The following PIGL variants were observed in gnomAD, a reference collection of about 807,000 sequenced individuals.
PIGL encodes the protein N-acetylglucosaminyl-phosphatidylinositol de-N-acetylase.
A neutral mutation model predicts 31.1 loss-of-function variants in PIGL; 22 were observed. The observed-to-expected ratio is 0.71, with a 90% CI of 0.51 to 1.01. The LOEUF (loss-of-function observed/expected upper bound fraction) is 1.01, where lower values mean the gene tolerates loss of function less well. Ranked by LOEUF, PIGL falls within the 50% of genes least tolerant of loss-of-function variation. The pLI is 0.00. For missense variants in PIGL, 302 were observed against 315.9 expected (o/e 0.96, Z 0.33); for synonymous variants, 131 against 117.4 (o/e 1.12, Z -0.75).
chr17:16,325,997 G>C lies in PIGL; in HGVS notation c.*99G>C. On this transcript the variant is annotated 3_prime_UTR_variant, in exon 7 of 7. Coordinates refer to ENST00000225609, the MANE Select transcript of PIGL (RefSeq NM_004278.4). ...ACTGGCTTATTTACCTGAGCTCAAG[G>C]AGATCCCCGCTGGAGCAGCCTCTGC... 1.2e-6 allele frequency: 1 copy of C among 850,188 alleles called. No homozygotes were observed. Among genetic ancestry groups the C allele is most frequent in the East Asian group, 2.5e-5 (1 of 40,682 alleles). 52.7% of individuals were successfully genotyped at this position (850,188 alleles called of 1,614,324 possible).
At chr17:16,254,795 G>A (rs771538328) in intron 2 of PIGL, among the ~76,000 whole-genome samples, 3 of 151,756 alleles carry the variant, frequency 2.0e-5, no homozygotes, top group African/African-American at 7.3e-5. Context: ...TAGTAGAAAC[G>A]GTTTCACTGT....
chr17:16,282,021 T>G (rs2142793792), intron 2 of PIGL: 1 of 518,188 alleles, frequency 1.9e-6, no homozygotes. Flanking sequence ...TAAGAGGGTG[T>G]TGATCAGCAG....
rs1399372881 is a variant in PIGL, at chr17:16,325,339, A to C, written c.661-461A>C. Among the ~76,000 whole-genome samples the C allele has an allele frequency of 2.7e-5, 4 of 148,534 alleles. No homozygotes were observed. In the South Asian group the frequency reaches 6.3e-4, roughly 23 times the overall value. ...CAGCCTGGGCAACAGGCTCAAAAAA[A>C]AAAAAAAAAAAAAAAAAGAATGTGG... On this transcript the variant is annotated intron_variant, in intron 6 of 6. Coordinates refer to ENST00000225609, the MANE Select transcript of PIGL (RefSeq NM_004278.4).
At chr17:16,308,792 C>CTTTTTTT (rs71150288) in intron 3 of PIGL, among the ~76,000 whole-genome samples, 2 of 114,444 alleles carry the variant, frequency 1.7e-5, no homozygotes, top group African/African-American at 3.4e-5. Flanking sequence ...TGCATCCAGG[C>CTTTTTTT]TTTTTTTTTT....
intron 3 of PIGL, among the ~76,000 whole-genome samples, chr17:16,307,610 T>C (rs949057497): frequency 2.6e-5 from 4 of 152,198 alleles, no homozygotes; most frequent in Non-Finnish European, 5.9e-5. Context: ...CCCCAGTGCC[T>C]GGTACAGAGT....
intron 6 of PIGL, among the ~76,000 whole-genome samples, chr17:16,318,802 G>T (rs1042377645): frequency 1.3e-5 from 2 of 150,932 alleles, no homozygotes; most frequent in Admixed American, 6.6e-5. Flanking sequence ...GTGGTGGCAT[G>T]CACCTGTAGT....
chr17:16,249,351 C>T (rs937648191), intron 2 of PIGL, among the ~76,000 whole-genome samples: 3 of 151,990 alleles, frequency 2.0e-5, no homozygotes, highest in Admixed American at 6.6e-5. Flanking sequence ...TGGTGGCGCA[C>T]GCCTGTAGTC....
chr17:16,300,232 TAAA>T (rs1204444083), intron 3 of PIGL: 9 of 434,846 alleles, frequency 2.1e-5, no homozygotes, highest in Non-Finnish European at 3.7e-5. Context: ...AAGTTTTTTC[TAAA>T]CTGTGTCCTC....
chr17:16,309,934 C>T (rs2093041779), intron 3 of PIGL, among the ~76,000 whole-genome samples: 1 of 151,620 alleles, frequency 6.6e-6, no homozygotes, highest in Non-Finnish European at 1.5e-5. Flanking sequence ...AAAAATTAGC[C>T]AGGCATGGTG....
intron 2 of PIGL, among the ~76,000 whole-genome samples, chr17:16,239,384 A>G (rs543942394): frequency 6.6e-6 from 1 of 151,750 alleles, no homozygotes; most frequent in Non-Finnish European, 1.5e-5. Context: ...ACAGGAAGCT[A>G]AGGCAGGAGA....
chr17:16,271,826 G>A (rs890585299), intron 2 of PIGL, among the ~76,000 whole-genome samples: 6 of 152,076 alleles, frequency 3.9e-5, no homozygotes, highest in East Asian at 1.9e-4. Context: ...CACTGTGCCC[G>A]GCCAGAACAT....
chr17:16,238,624 A>C (rs1293954478), intron 2 of PIGL, among the ~76,000 whole-genome samples: 2 of 150,308 alleles, frequency 1.3e-5, no homozygotes, highest in Non-Finnish European at 3.0e-5. Flanking sequence ...TTAGTAAGAC[A>C]GGGTTGCCAG....
chr17:16,242,622 A>G (rs913525011), intron 2 of PIGL, among the ~76,000 whole-genome samples: 2 of 145,742 alleles, frequency 1.4e-5, no homozygotes, highest in Admixed American at 6.9e-5. Context: ...TGTTTTCAAC[A>G]TATGCCTCTT....
intron 1 of PIGL, among the ~76,000 whole-genome samples, chr17:16,226,474 T>G (rs2142650665): frequency 6.6e-6 from 1 of 152,278 alleles, no homozygotes; most frequent in African/African-American, 2.4e-5. Context: ...GACCTATCCT[T>G]AAAAATCTTG....
intron 1 of PIGL, among the ~76,000 whole-genome samples, chr17:16,226,400 C>T (rs763891445): frequency 1.3e-5 from 2 of 152,140 alleles, no homozygotes; most frequent in Admixed American, 6.6e-5. Context: ...AACCTGGTGG[C>T]TGGGTTCTTG....
intron 2 of PIGL, among the ~76,000 whole-genome samples, chr17:16,268,211 A>C (rs2092853630): frequency 6.6e-6 from 1 of 152,190 alleles, no homozygotes; most frequent in Non-Finnish European, 1.5e-5. Context: ...GTGAAGAAGC[A>C]GGAGAAGAGC....
chr17:16,218,103 T>G (rs2092604352), intron 1 of PIGL: 2 of 152,250 alleles, frequency 1.3e-5, no homozygotes, highest in Admixed American at 6.5e-5. Flanking sequence ...AGCTGGAATA[T>G]GGTGATAATT....
chr17:16,282,213 T>C (rs1483754849), intron 2 of PIGL: 6 of 355,178 alleles, frequency 1.7e-5, no homozygotes, highest in Non-Finnish European at 3.1e-5. Flanking sequence ...GCCCTCCCTT[T>C]TTCTGGGTGT....
chr17:16,261,054 G>C (rs1201384367), intron 2 of PIGL, among the ~76,000 whole-genome samples: 1 of 151,294 alleles, frequency 6.6e-6, no homozygotes, highest in African/African-American at 2.4e-5. Flanking sequence ...AGGAGGCAGA[G>C]GTTGCAGTGA....
Sources: allele counts gnomAD v4.1 joint callset (sites outside exome capture counted in the v4.1 genomes callset), GRCh38; gene constraint gnomAD v4.1.1; transcripts MANE v1.5; gene names NCBI Gene and HGNC (gene_info 2026-07-23, HGNC 2026-07-21).